The following VPS13C variants were observed in gnomAD, a reference collection of about 807,000 sequenced individuals.
The protein encoded by VPS13C is intermembrane lipid transfer protein VPS13C.
In VPS13C, 358 loss-of-function variants were observed where a neutral mutation model predicts 456.8. The observed-to-expected ratio is 0.78, with a 90% CI of 0.72 to 0.86. The LOEUF is 0.86. Among genes scored for constraint, VPS13C ranks in the 40% least tolerant of loss-of-function variants. The pLI, the probability that VPS13C is intolerant of heterozygous loss-of-function variation, is 0.00. For synonymous variants in VPS13C, 1,578 were observed against 1,486.7 expected (o/e 1.06, Z -1.41); for missense variants, 4,818 against 4,385.4 (o/e 1.10, Z -2.79).
chr15:61,946,173 C>T (rs17303989), intron 44 of VPS13C, 134 bp downstream of exon 44: 3 of 730,526 alleles, frequency 4.1e-6, no homozygotes, highest in South Asian at 2.4e-5. Flanking sequence ...AGACTATTAC[C>T]GTTTTCATCT....
chr15:61,961,788 A>C lies in VPS13C; in HGVS notation c.3709T>G (p.Phe1237Val), dbSNP rs140792170. The change falls in exon 35 of 85, where the codon TTT becomes GTT. Residue 1237 changes from phenylalanine to valine, a missense_variant. Transcript: ENST00000644861. ...TSVKDLAQRS[F>V]RVSINIDLKA... ...AAATCAATATTGATGGAAACACGAA[A>C]ACTCCTCTGGGCAAGATCTTTCACA... 2.7e-5 allele frequency: 43 copies of C among 1,614,026 alleles called. No individual in the cohort carries two copies. The highest frequency in any genetic ancestry group is 1.0e-4 in the Admixed American group (6 of 60,008).
At chr15:61,897,595 G>A (rs1026443278) in intron 66 of VPS13C, among the ~76,000 whole-genome samples, 15 of 152,110 alleles carry the variant, frequency 9.9e-5, no homozygotes, top group African/African-American at 3.6e-4. Context: ...AGAAATATGG[G>A]ACTATGTGAA....
chr15:62,020,100 A>G (rs1031264866), intron 9 of VPS13C, among the ~76,000 whole-genome samples: 12 of 148,862 alleles, frequency 8.1e-5, no homozygotes, highest in Non-Finnish European at 5.9e-5. Context: ...GTGTGCGCAC[A>G]CACACACACA....
chr15:62,001,359 G>A (rs540113026), intron 15 of VPS13C, among the ~76,000 whole-genome samples: 2 of 152,240 alleles, frequency 1.3e-5, no homozygotes, highest in African/African-American at 4.8e-5. Context: ...TGGTGATTGT[G>A]ATATACTTCA....
chr15:61,947,350 G>T, intron 42 of VPS13C, 41 bp from the exon 43 acceptor site: 1 of 1,447,196 alleles, frequency 6.9e-7, no homozygotes, highest in Non-Finnish European at 9.6e-7. Context: ...AAAGGGAAAA[G>T]ATAATACAAC....
At chr15:61,933,168 A>G (rs2044118106) in intron 49 of VPS13C, among the ~76,000 whole-genome samples, 1 of 152,198 alleles carries the variant, frequency 6.6e-6, no homozygotes, top group Non-Finnish European at 1.5e-5. Flanking sequence ...TGAATAAGGA[A>G]GGCATACAAA....
chr15:62,016,428 G>A (rs1248533337), intron 9 of VPS13C, among the ~76,000 whole-genome samples: 14 of 81,444 alleles, frequency 1.7e-4, no homozygotes, highest in African/African-American at 4.7e-4. Flanking sequence ...CCCCTCCCCC[G>A]ACCCCACAAC....
At chr15:61,888,726 G>C (rs1346119890) in intron 67 of VPS13C, among the ~76,000 whole-genome samples, 1 of 152,106 alleles carries the variant, frequency 6.6e-6, no homozygotes, top group Non-Finnish European at 1.5e-5. Flanking sequence ...ACAGGAGGAA[G>C]CTGAGAGACT....
At chr15:62,008,041 T>A (rs775315428) in intron 14 of VPS13C, among the ~76,000 whole-genome samples, 1 of 151,880 alleles carries the variant, frequency 6.6e-6, no homozygotes, top group Admixed American at 6.6e-5. Flanking sequence ...GAGTTCAAGA[T>A]GTCGAGATGC....
At chr15:62,009,203 A>G (rs2046958008) in intron 13 of VPS13C, among the ~76,000 whole-genome samples, 2 of 152,184 alleles carry the variant, frequency 1.3e-5, no homozygotes, top group Non-Finnish European at 2.9e-5. Flanking sequence ...CTATGAGCTG[A>G]TTTTGAAATT....
intron 16 of VPS13C, 84 bp downstream of exon 16, chr15:62,000,480 G>A (rs1318577551): frequency 9.7e-6 from 13 of 1,335,664 alleles, no homozygotes; most frequent in South Asian, 4.3e-5. Flanking sequence ...ACCTCACCTC[G>A]TGAAACTTCA....
chr15:62,051,608 C>A (rs1187905276), intron 1 of VPS13C, among the ~76,000 whole-genome samples: 1 of 152,130 alleles, frequency 6.6e-6, no homozygotes, highest in East Asian at 1.9e-4. Flanking sequence ...ACAAAAATGC[C>A]ATAAAAGAAT....
chr15:61,925,563 A>G lies in VPS13C; in HGVS notation c.6517-15T>C. ...GGCTGCAAGACCTATAAACAGATAA[A>G]TGAAATTCACATTTCCATAGATCCA... On this transcript the variant is annotated splice_polypyrimidine_tract_variant and intron_variant, in intron 52 of 84. Coordinates refer to ENST00000644861, the MANE Select transcript of VPS13C (RefSeq NM_020821.3). 1 of 1,544,574 alleles carries G rather than the reference A, an allele frequency of 6.5e-7. No homozygotes were observed. The highest frequency in any genetic ancestry group is 1.2e-5 in the South Asian group (1 of 81,744).
rs551804432 is a variant in VPS13C, at chr15:62,035,253, A to C, written c.188-201T>G. 8.2e-4 allele frequency among the ~76,000 whole-genome samples: 124 copies of C among 152,140 alleles called. 1 individual carries two copies. Among genetic ancestry groups the C allele is most frequent in the South Asian group, 7.0e-3 (34 of 4,826 alleles). On this transcript the variant is annotated intron_variant, in intron 3 of 84. Coordinates refer to ENST00000644861, the MANE Select transcript of VPS13C (RefSeq NM_020821.3). ...ACTATTAAGTGAATAGTCACATTGTAATTTTTATTTTTCAATATAAAATAT... is the reference window on the plus strand; with the variant it reads ...ACTATTAAGTGAATAGTCACATTGTCATTTTTATTTTTCAATATAAAATAT...
rs1596323891 is a variant in VPS13C, at chr15:61,913,517, T to C, written c.8446-102A>G. On this transcript the variant is annotated intron_variant, in intron 61 of 84. Transcript: ENST00000644861. ...ACTACTAGAAATTTCTTTAGTACCG[T>C]GGGACACAGAAATATATAATCAAAG... The C allele has an allele frequency of 6.4e-6, 6 of 938,690 alleles. No individual in the cohort carries two copies. In the East Asian group the frequency reaches 1.0e-4, roughly 16 times the overall value. The allele number at this position is 938,690 out of a possible 1,614,324, so 58.1% of individuals were successfully genotyped here. A position where few individuals can be genotyped will look rare whatever the true frequency, so the allele number is the denominator to read the frequency against.
intron 32 of VPS13C, 148 bp from the exon 33 acceptor site, chr15:61,963,000 T>C (rs1317898136): frequency 9.7e-6 from 5 of 515,308 alleles, no homozygotes; most frequent in Non-Finnish European, 1.3e-5. Context: ...AATATTAGAG[T>C]TTTTTGGTTT....
At chr15:62,037,515 G>GAATATAATAAAATTATTATATTGTAAT in intron 3 of VPS13C, among the ~76,000 whole-genome samples, 1 of 120,858 alleles carries the variant, frequency 8.3e-6, no homozygotes. Context: ...TATATTGTAA[G>GAATATAATAAAATTATTATATTGTAAT]AATATAATAA....
chr15:61,905,603 G>A (rs1277651276), intron 66 of VPS13C, among the ~76,000 whole-genome samples: 1 of 151,868 alleles, frequency 6.6e-6, no homozygotes, highest in Non-Finnish European at 1.5e-5. Flanking sequence ...TATATAAAAA[G>A]CATTAATATA....
chr15:61,866,315 A>G, intron 81 of VPS13C: 2 of 983,582 alleles, frequency 2.0e-6, no homozygotes, highest in Non-Finnish European at 2.4e-6. Context: ...AAGAAATCAG[A>G]CAAGATTATA....
Sources: gnomAD v4.1 joint callset for allele counts (sites outside exome capture counted in the v4.1 genomes callset) on GRCh38, gnomAD v4.1.1 for gene constraint, MANE v1.5 for transcripts, NCBI Gene and HGNC (gene_info 2026-07-23, HGNC 2026-07-21) for gene names.